The following KLRG2 variants were observed in gnomAD, a reference collection of about 807,000 sequenced individuals.
The protein encoded by KLRG2 is killer cell lectin like receptor G2.
KLRG2 carries 39 observed loss-of-function variants against 35.4 expected under a neutral mutation model. The ratio of observed to expected loss-of-function variants is 1.10; its 90% CI spans 0.85 to 1.44. The LOEUF (loss-of-function observed/expected upper bound fraction) is 1.44, where lower values mean the gene tolerates loss of function less well. Ranked by LOEUF, KLRG2 falls within the 40% of genes most tolerant of loss-of-function variation. KLRG2 has a pLI of 0.00. For synonymous variants in KLRG2, 283 were observed against 265.8 expected (o/e 1.06, Z -0.63); for missense variants, 632 against 570.9 (o/e 1.11, Z -1.09).
chr7:139,456,128 C>T (rs745326773), intron 3 of KLRG2, among the ~76,000 whole-genome samples: 1 of 152,114 alleles, frequency 6.6e-6, no homozygotes, highest in East Asian at 1.9e-4. Context: ...AAATGAATTT[C>T]GCATATGCTC....
intron 3 of KLRG2, among the ~76,000 whole-genome samples, chr7:139,476,227 ACT>A (rs1569415797): frequency 6.6e-6 from 1 of 152,046 alleles, no homozygotes; most frequent in Non-Finnish European, 1.5e-5. Flanking sequence ...AGGTGGCAAA[ACT>A]CTGACTCCAC....
At chr7:139,451,740 G>C (rs1569408250), downstream of KLRG2, among the ~76,000 whole-genome samples, 1 of 152,054 alleles carries the variant, frequency 6.6e-6, no homozygotes, top group Non-Finnish European at 1.5e-5. Flanking sequence ...GGGTAACACT[G>C]AGTACAACAC....
intron 3 of KLRG2, among the ~76,000 whole-genome samples, chr7:139,456,735 C>T (rs1204648207): frequency 6.6e-6 from 1 of 152,218 alleles, no homozygotes; most frequent in Non-Finnish European, 1.5e-5. Flanking sequence ...GATGCTCCCA[C>T]CTCAGCCTCC....
At chr7:139,429,440 A>G in the KLRG2 span, among the ~76,000 whole-genome samples, 1 of 150,298 alleles carries the variant, frequency 6.7e-6, no homozygotes, top group Non-Finnish European at 1.5e-5. Flanking sequence ...GATTTGGCAG[A>G]GTCACAGGAC....
downstream of KLRG2, among the ~76,000 whole-genome samples, chr7:139,447,802 C>T (rs1796326708): frequency 6.6e-6 from 1 of 152,090 alleles, no homozygotes; most frequent in South Asian, 2.1e-4. Context: ...GAATGTAATT[C>T]TCTGCAAGCC....
chr7:139,435,342 T>C, the KLRG2 span, among the ~76,000 whole-genome samples: 5 of 152,156 alleles, frequency 3.3e-5, no homozygotes, highest in South Asian at 2.1e-4. Flanking sequence ...ACACAAAAAA[T>C]TAGCCGGCAT....
the KLRG2 span, among the ~76,000 whole-genome samples, chr7:139,434,456 C>T: frequency 1.3e-5 from 2 of 152,184 alleles, no homozygotes; most frequent in Non-Finnish European, 2.9e-5. Context: ...CCCCTTTACA[C>T]GGCAGTCATC....
chr7:139,457,103 C>A (rs1272030645), intron 3 of KLRG2, among the ~76,000 whole-genome samples: 11 of 152,184 alleles, frequency 7.2e-5, no homozygotes, highest in Admixed American at 6.5e-4. Flanking sequence ...TCTTACCCTT[C>A]TTGAATCCTA....
intron 3 of KLRG2, among the ~76,000 whole-genome samples, chr7:139,466,341 C>T (rs1796653549): frequency 6.6e-6 from 1 of 152,144 alleles, no homozygotes; most frequent in South Asian, 2.1e-4. Flanking sequence ...GACATAATTC[C>T]TCGGTTTGGC....
chr7:139,483,592 G>C lies in KLRG2; in HGVS notation c.51C>G (p.Leu17=). The C allele has an allele frequency of 6.3e-7, 1 of 1,594,536 alleles. No homozygotes were observed. The highest frequency in any genetic ancestry group is 8.5e-7 in the Non-Finnish European group (1 of 1,177,660). Residue 17 remains leucine (L), a synonymous_variant, in exon 1 of 5, where the codon CTC becomes CTG. Transcript: ENST00000340940. ...CCAGGCTTCCCACGGGCTCCATTGGGAGCTCTGCCCCGGCTTGGCCTCCGG... is the reference window on the plus strand; with the variant it reads ...CCAGGCTTCCCACGGGCTCCATTGGCAGCTCTGCCCCGGCTTGGCCTCCGG... ...AAPGGQAGAE[L]PMEPVGSLVP... is the part of the protein sequence containing the mutation.
chr7:139,473,979 G>C (rs2116468732), intron 3 of KLRG2, among the ~76,000 whole-genome samples: 1 of 149,314 alleles, frequency 6.7e-6, no homozygotes, highest in Non-Finnish European at 1.5e-5. Context: ...AAAAATGAAT[G>C]ACATACAAAG....
the KLRG2 span, among the ~76,000 whole-genome samples, chr7:139,445,441 A>G: frequency 1.3e-5 from 2 of 152,118 alleles, no homozygotes; most frequent in Non-Finnish European, 2.9e-5. Flanking sequence ...GAGCTTACGC[A>G]TAATCAAGCA....
the KLRG2 span, among the ~76,000 whole-genome samples, chr7:139,431,607 TC>T: frequency 6.6e-6 from 1 of 152,146 alleles, no homozygotes; most frequent in Non-Finnish European, 1.5e-5. Flanking sequence ...TGGCCTGCGA[TC>T]CGCTAGGCCA....
intron 3 of KLRG2, among the ~76,000 whole-genome samples, chr7:139,467,276 TAAG>T (rs978920737): frequency 1.8e-4 from 27 of 152,092 alleles, no homozygotes; most frequent in African/African-American, 1.2e-4. Flanking sequence ...CTTACTAATA[TAAG>T]AAGACAAGAA....
chr7:139,480,122 A>G (rs1010925044), intron 2 of KLRG2, 24 bp downstream of exon 2: 5 of 1,479,706 alleles, frequency 3.4e-6, no homozygotes, highest in Non-Finnish European at 3.8e-6. Flanking sequence ...GGGAGAGGGG[A>G]TGGGGACTGC....
intron 3 of KLRG2, among the ~76,000 whole-genome samples, chr7:139,456,141 T>C (rs1399942337): frequency 1.3e-5 from 2 of 152,190 alleles, no homozygotes; most frequent in African/African-American, 4.8e-5. Context: ...ATATGCTCAG[T>C]TCTTCTTCCC....
At chr7:139,435,448 C>T in the KLRG2 span, among the ~76,000 whole-genome samples, 1 of 152,130 alleles carries the variant, frequency 6.6e-6, no homozygotes, top group African/African-American at 2.4e-5. Context: ...CAAGATTGTG[C>T]CACTGCACTC....
chr7:139,427,376 G>T, the KLRG2 span, among the ~76,000 whole-genome samples: 1 of 152,158 alleles, frequency 6.6e-6, no homozygotes, highest in African/African-American at 2.4e-5. Flanking sequence ...GCCAGCATTG[G>T]CTGAAGCAAG....
At chr7:139,460,884 G>A (rs1188351992) in intron 3 of KLRG2, among the ~76,000 whole-genome samples, 3 of 152,148 alleles carry the variant, frequency 2.0e-5, no homozygotes, top group East Asian at 1.9e-4. Context: ...GCTTGAACCC[G>A]GGAGGCAGAG....
Sources: gnomAD v4.1 joint callset for allele counts (sites outside exome capture counted in the v4.1 genomes callset) on GRCh38, gnomAD v4.1.1 for gene constraint, MANE v1.5 for transcripts, NCBI Gene and HGNC (gene_info 2026-07-23, HGNC 2026-07-21) for gene names.